The following RFX2 variants were observed in gnomAD, a reference collection of about 807,000 sequenced individuals.
RFX2 encodes DNA-binding protein RFX2.
A neutral mutation model predicts 87.8 loss-of-function variants in RFX2; 20 were observed. That is an observed-to-expected ratio of 0.23 (90% confidence interval 0.16 to 0.33). RFX2 has a LOEUF of 0.33. RFX2 is among the 10% of genes least tolerant of loss of function. The pLI is 1.00. For missense variants in RFX2, 767 were observed against 1,012.3 expected (o/e 0.76, Z 3.29); for synonymous variants, 397 against 431.3 (o/e 0.92, Z 0.98).
intron 1 of RFX2, among the ~76,000 whole-genome samples, chr19:6,071,779 C>A (rs1263683641): frequency 6.6e-6 from 1 of 152,166 alleles, no homozygotes; most frequent in Admixed American, 6.5e-5. Flanking sequence ...TAAGAAGATA[C>A]ACTAAAATCA....
chr19:6,030,365 A>T (rs2086939635), intron 5 of RFX2, among the ~76,000 whole-genome samples: 1 of 152,242 alleles, frequency 6.6e-6, no homozygotes, highest in Admixed American at 6.5e-5. Flanking sequence ...AGTGCCAGAA[A>T]GCGGAAAAAC....
chr19:6,053,261 AT>A (rs1255893767), intron 1 of RFX2, among the ~76,000 whole-genome samples: 2 of 152,234 alleles, frequency 1.3e-5, no homozygotes, highest in African/African-American at 2.4e-5. Context: ...TACATACTGT[AT>A]GATTCTAATT....
Position 6,013,120 on chromosome 19 carries a change from T to C in RFX2, c.780-15A>G. 1 of 1,578,906 alleles carries C rather than the reference T, an allele frequency of 6.3e-7. No homozygotes were observed. Among genetic ancestry groups the C allele is most frequent in the East Asian group, 2.3e-5 (1 of 42,964 alleles). On this transcript the variant is annotated splice_polypyrimidine_tract_variant and intron_variant, in intron 7 of 17. Transcript: ENST00000303657. The surrounding 1 kb of genome is among the most constrained non-coding windows in gnomAD (Gnocchi z 4.1). ...TCGAGTTGCCCCTGGAAACCAAACA[T>C]CCCAGGGTCAGCTCCCTTTGCAGAT...
rs2086690606 is a variant in RFX2 at position 6,013,806 on chromosome 19, C to T, written c.780-701G>A. Among the ~76,000 whole-genome samples, 1 of 152,198 alleles carries T rather than the reference C, an allele frequency of 6.6e-6. No individual in the cohort carries two copies. The highest frequency in any genetic ancestry group is 2.1e-4 in the South Asian group (1 of 4,832). ...TCCTGAACTGTGTGAGGAATGTGAT[C>T]AAGGAATTCTGTACATAATGCCGTT... On this transcript the variant is annotated intron_variant, in intron 7 of 17. Coordinates refer to ENST00000303657, the MANE Select transcript of RFX2 (RefSeq NM_000635.4). The surrounding 1 kb of genome is among the most constrained non-coding windows in gnomAD (Gnocchi z 4.1).
Position 6,039,100 on chromosome 19 carries a change from A to C in RFX2, c.522+880T>G, listed in dbSNP as rs918610990. ...CCTCAACTAGTGAATGAATAAACAA[A>C]CTGTAGTGTAATAGAATATTACTCA... On this transcript the variant is annotated intron_variant, in intron 5 of 17. Coordinates refer to ENST00000303657, the MANE Select transcript of RFX2 (RefSeq NM_000635.4). This position sits in a 1 kb window ranked among gnomAD's most constrained non-coding sequence, Gnocchi z 5.2. Among the ~76,000 whole-genome samples the C allele has an allele frequency of 1.3e-5, 2 of 152,212 alleles. No individual in the cohort carries two copies. Among genetic ancestry groups the C allele is most frequent in the African/African-American group, 4.8e-5 (2 of 41,442 alleles).
intron 5 of RFX2, among the ~76,000 whole-genome samples, chr19:6,031,033 C>T (rs1044642277): frequency 1.3e-5 from 2 of 152,246 alleles, no homozygotes; most frequent in South Asian, 2.1e-4. Flanking sequence ...AGACACAACT[C>T]CAAAATTTTC....
Position 5,997,297 on chromosome 19 carries a change from C to G in RFX2, c.1860-84G>C, listed in dbSNP as rs916736603. ...GGCCAGACTTCATGGCAGCAACACA[C>G]CCCCTGCTCTACGTTCCCTGGGGAA... On this transcript the variant is annotated intron_variant, in intron 15 of 17. Transcript: ENST00000303657. This position sits in a 1 kb window ranked among gnomAD's most constrained non-coding sequence, Gnocchi z 4.2. 6 of 1,394,706 alleles carry G rather than the reference C, an allele frequency of 4.3e-6. No individual in the cohort carries two copies. Among genetic ancestry groups the G allele is most frequent in the South Asian group, 4.2e-5 (3 of 71,686 alleles). The allele number at this position is 1,394,706 out of a possible 1,614,324, so 86.4% of individuals were successfully genotyped here.
rs1371948095 is a variant in RFX2, at chr19:6,050,870, T to C, written c.-8-3366A>G. Among the ~76,000 whole-genome samples the C allele has an allele frequency of 1.3e-5, 2 of 152,186 alleles. No homozygotes were observed. Among genetic ancestry groups the C allele is most frequent in the Non-Finnish European group, 2.9e-5 (2 of 68,032 alleles). The stretch of plus-strand genomic sequence containing the variant: ...AAAGAAAGCCAAGATAGGTATGTCA[T>C]GGTTAAACTGTTAAAAGAAGCAGTC... On this transcript the variant is annotated intron_variant, in intron 1 of 17. Transcript: ENST00000303657. This position sits in a 1 kb window ranked among gnomAD's most constrained non-coding sequence, Gnocchi z 4.6.
intron 7 of RFX2, among the ~76,000 whole-genome samples, chr19:6,014,676 A>G (rs1458879295): frequency 6.6e-6 from 1 of 152,120 alleles, no homozygotes; most frequent in Non-Finnish European, 1.5e-5. Context: ...CAGCTGGGAT[A>G]CTCTGCAGGG....
In RFX2 at chr19:6,020,772, C is replaced by T. The variant is rs2086800707; in HGVS notation, c.598-4501G>A. 6.6e-6 allele frequency among the ~76,000 whole-genome samples: 1 copy of T among 152,250 alleles called. No individual in the cohort carries two copies. The highest frequency in any genetic ancestry group is 1.5e-5 in the Non-Finnish European group (1 of 68,050). On this transcript the variant is annotated intron_variant, in intron 6 of 17. Transcript: ENST00000303657. This position sits in a 1 kb window ranked among gnomAD's most constrained non-coding sequence, Gnocchi z 5.3. ...TGGTTTGGGCATGTTCTGCAGTCTG[C>T]TTTGTCTGCTGATATTTGCATTCTT...
At chr19:6,099,913 G>C (rs2088092172) in intron 1 of RFX2, among the ~76,000 whole-genome samples, 1 of 152,198 alleles carries the variant, frequency 6.6e-6, no homozygotes, top group South Asian at 2.1e-4. Flanking sequence ...TTGGGGAAAG[G>C]GGAGTGTGCT....
Position 6,045,198 on chromosome 19 carries a change from G to A in RFX2, c.91-916C>T, listed in dbSNP as rs2087170685. 6.6e-6 allele frequency among the ~76,000 whole-genome samples: 1 copy of A among 152,196 alleles called. No individual in the cohort carries two copies. The highest frequency in any genetic ancestry group is 1.5e-5 in the Non-Finnish European group (1 of 68,038). On this transcript the variant is annotated intron_variant, in intron 2 of 17. Transcript: ENST00000303657. The surrounding 1 kb of genome is among the most constrained non-coding windows in gnomAD (Gnocchi z 5.2). The stretch of plus-strand genomic sequence containing the variant: ...AGGAGTGGAGCTAAGGATGAAGATG[G>A]TGCTAATAAGGATGCCAGCGCAAGG...
rs984018872 is a variant in RFX2, at chr19:6,063,586, C to T, written c.-8-16082G>A. On this transcript the variant is annotated intron_variant, in intron 1 of 17. Transcript: ENST00000303657. This position sits in a 1 kb window ranked among gnomAD's most constrained non-coding sequence, Gnocchi z 4.0. ...ACAGCTAAGATTAAAGTGACTGCTG[C>T]GTTGAAGAAGGAGGGAGGCAGAGAG... Among the ~76,000 whole-genome samples the T allele has an allele frequency of 2.6e-5, 4 of 152,152 alleles. No individual in the cohort carries two copies. The highest frequency in any genetic ancestry group is 3.9e-4 in the East Asian group (2 of 5,194).
intron 1 of RFX2, chr19:6,073,561 T>A: frequency 4.5e-6 from 2 of 449,380 alleles, no homozygotes; most frequent in Non-Finnish European, 7.5e-6. Flanking sequence ...TGTGTTTAAA[T>A]AAAACCATAA....
Position 6,069,236 on chromosome 19 carries a change from A to G in RFX2, c.-8-21732T>C, listed in dbSNP as rs541390829. The stretch of plus-strand genomic sequence containing the variant: ...TGTATAGAGAATGCAGGCTGGAGCC[A>G]TCAGTGTATAGAATATATGAACTAG... On this transcript the variant is annotated intron_variant, in intron 1 of 17. Coordinates refer to ENST00000303657, the MANE Select transcript of RFX2 (RefSeq NM_000635.4). Among the ~76,000 whole-genome samples the G allele has an allele frequency of 5.3e-5, 8 of 152,328 alleles. No homozygotes were observed. In the East Asian group the frequency reaches 1.5e-3, roughly 29 times the overall value.
chr19:6,058,222 G>C (rs964477150), intron 1 of RFX2, among the ~76,000 whole-genome samples: 1 of 152,142 alleles, frequency 6.6e-6, no homozygotes, highest in African/African-American at 2.4e-5. Context: ...CAGCATCCCT[G>C]GCCTCCGCTC....
Position 6,012,842 on chromosome 19 carries a change from A to C in RFX2, c.899+144T>G. The C allele has an allele frequency of 2.7e-6, 2 of 739,844 alleles. No homozygotes were observed. Among genetic ancestry groups the C allele is most frequent in the Non-Finnish European group, 3.9e-6 (2 of 509,230 alleles). 45.8% of individuals were successfully genotyped at this position (739,844 alleles called of 1,614,324 possible). A position where few individuals can be genotyped will look rare whatever the true frequency, so the allele number is the denominator to read the frequency against. Reference sequence around the variant, plus strand: ...CTGTGTCTCCTGCTAGACTCACCTCAGTCTCAGCAGAGGGGGATACCTTGG... The same window carrying C: ...CTGTGTCTCCTGCTAGACTCACCTCCGTCTCAGCAGAGGGGGATACCTTGG... On this transcript the variant is annotated intron_variant, in intron 8 of 17. Coordinates refer to ENST00000303657, the MANE Select transcript of RFX2 (RefSeq NM_000635.4). The surrounding 1 kb of genome is among the most constrained non-coding windows in gnomAD (Gnocchi z 4.6).
rs139331122 is a variant in RFX2, at chr19:6,100,464, G to A, written c.-9+9929C>T. Reference sequence around the variant, plus strand: ...CAAAGAGCCGCAGGGAGACAATACAGGAAGTGATTAGGCAGGAGGCTTTGG... The same window carrying A: ...CAAAGAGCCGCAGGGAGACAATACAAGAAGTGATTAGGCAGGAGGCTTTGG... On this transcript the variant is annotated intron_variant, in intron 1 of 17. Transcript: ENST00000303657. Among the ~76,000 whole-genome samples the A allele has an allele frequency of 2.0e-4, 31 of 152,318 alleles. No individual in the cohort carries two copies. In the East Asian group the frequency reaches 5.6e-3, roughly 28 times the overall value.
intron 1 of RFX2, among the ~76,000 whole-genome samples, chr19:6,079,092 T>G (rs2087739388): frequency 1.3e-5 from 2 of 152,130 alleles, no homozygotes; most frequent in African/African-American, 4.8e-5. Context: ...TGCATATCAT[T>G]TTAAAAGTTG....
Sources: gnomAD v4.1 joint callset for allele counts (sites outside exome capture counted in the v4.1 genomes callset) on GRCh38, gnomAD v4.1.1 for gene constraint, Gnocchi (gnomAD v3.1) non-coding constraint, MANE v1.5 for transcripts, NCBI Gene and HGNC (gene_info 2026-07-23, HGNC 2026-07-21) for gene names.